CRYL1: variants seen among roughly 807,000 people sequenced by gnomAD.
The protein encoded by CRYL1 is lambda-crystallin homolog.
Under a neutral mutation model 36.6 loss-of-function variants are expected in CRYL1, and 29 were observed. The observed-to-expected ratio is 0.79, with a 90% CI of 0.59 to 1.08. The LOEUF (loss-of-function observed/expected upper bound fraction) is 1.08, where lower values mean the gene tolerates loss of function less well. Among genes scored for constraint, CRYL1 ranks in the 50% least tolerant of loss-of-function variants. CRYL1 has a pLI of 0.00. For synonymous variants in CRYL1, 152 were observed against 151.5 expected (o/e 1.00, Z -0.02); for missense variants, 411 against 407.9 (o/e 1.01, Z -0.06).
At chr13:20,484,010 A>G (rs1045035396) in intron 3 of CRYL1, among the ~76,000 whole-genome samples, 9 of 152,036 alleles carry the variant, frequency 5.9e-5, no homozygotes, top group African/African-American at 9.7e-5. Context: ...TAGAGACAGC[A>G]TTTCACCGTG....
intron 3 of CRYL1, among the ~76,000 whole-genome samples, chr13:20,470,679 C>T (rs2033034135): frequency 6.6e-6 from 1 of 152,056 alleles, no homozygotes; most frequent in South Asian, 2.1e-4. Context: ...GAGGCCGAGG[C>T]AGGTGGATCA....
intron 3 of CRYL1, among the ~76,000 whole-genome samples, chr13:20,445,184 C>T (rs1593449075): frequency 6.6e-6 from 1 of 152,228 alleles, no homozygotes; most frequent in East Asian, 1.9e-4. Context: ...GGTTTATTTC[C>T]AAGATCCAGG....
chr13:20,416,251 T>C (rs1160420325), intron 5 of CRYL1, among the ~76,000 whole-genome samples: 1 of 152,252 alleles, frequency 6.6e-6, no homozygotes, highest in Non-Finnish European at 1.5e-5. Context: ...TGAATCAGTC[T>C]GTGCAAGTCA....
At chr13:20,472,528 A>G (rs1026661598) in intron 3 of CRYL1, among the ~76,000 whole-genome samples, 5 of 152,146 alleles carry the variant, frequency 3.3e-5, no homozygotes, top group Admixed American at 2.6e-4. Flanking sequence ...TCTCCATTTT[A>G]TAGATGAGAA....
At chr13:20,432,416 T>C (rs2032089654) in intron 4 of CRYL1, 120 bp from the exon 5 acceptor site, 2 of 610,614 alleles carry the variant, frequency 3.3e-6, no homozygotes, top group East Asian at 2.8e-5. Flanking sequence ...TTAGATTCAG[T>C]GGCCAACAAC....
chr13:20,477,829 TATA>T (rs917419122), intron 3 of CRYL1, among the ~76,000 whole-genome samples: 6 of 145,768 alleles, frequency 4.1e-5, no homozygotes, highest in African/African-American at 1.5e-4. Context: ...TATACTAAAA[TATA>T]ATATACTATA....
intron 6 of CRYL1, among the ~76,000 whole-genome samples, chr13:20,410,377 C>T (rs1056786364): frequency 6.0e-5 from 7 of 117,596 alleles, no homozygotes; most frequent in African/African-American, 2.4e-4. Flanking sequence ...ACTCTGGGGA[C>T]TGTAGTGGGG....
Position 20,481,956 on chromosome 13 carries a change from C to T in CRYL1, c.276+7414G>A, listed in dbSNP as rs533132020. Among the ~76,000 whole-genome samples the T allele has an allele frequency of 6.6e-6, 1 of 152,162 alleles. No individual in the cohort carries two copies. Among genetic ancestry groups the T allele is most frequent in the African/African-American group, 2.4e-5 (1 of 41,524 alleles). On this transcript the variant is annotated intron_variant, in intron 3 of 7. Transcript: ENST00000298248. The surrounding 1 kb of genome is among the most constrained non-coding windows in gnomAD (Gnocchi z 4.1). ...ACATACAACAGAAAAAGTGTAACTCCAGTTTCCTCGCACATTCCCGAATAT... is the reference window on the plus strand; with the variant it reads ...ACATACAACAGAAAAAGTGTAACTCTAGTTTCCTCGCACATTCCCGAATAT...
intron 3 of CRYL1, among the ~76,000 whole-genome samples, chr13:20,478,902 G>A (rs1363751090): frequency 1.3e-5 from 2 of 149,094 alleles, no homozygotes; most frequent in South Asian, 2.1e-4. Flanking sequence ...ACAGGCATGC[G>A]CCACACCAAG....
At chr13:20,420,699 G>GTTTTTTTTTTTTT (rs2031779475) in intron 5 of CRYL1, among the ~76,000 whole-genome samples, 1 of 22,144 alleles carries the variant, frequency 4.5e-5, no homozygotes, top group African/African-American at 1.1e-4. Context: ...TTAAAATAGA[G>GTTTTTTTTTTTTT]GTTGTGTGTG....
intron 1 of CRYL1, among the ~76,000 whole-genome samples, chr13:20,515,986 G>A (rs113949226): frequency 0.021 from 3,240 of 152,220 alleles, 62 homozygotes; most frequent in African/African-American, 0.048. Context: ...GAGGTCAGGA[G>A]ATCAAGACCA....
intron 1 of CRYL1, among the ~76,000 whole-genome samples, chr13:20,524,332 T>C (rs2034150985): frequency 6.6e-6 from 1 of 152,146 alleles, no homozygotes; most frequent in Non-Finnish European, 1.5e-5. Flanking sequence ...CTCTGGTAAC[T>C]ATTAATAAAA....
At chr13:20,519,675 T>C (rs2034061969) in intron 1 of CRYL1, among the ~76,000 whole-genome samples, 1 of 152,000 alleles carries the variant, frequency 6.6e-6, no homozygotes, top group African/African-American at 2.4e-5. Flanking sequence ...ACAGGGCAAA[T>C]GACTCAAATT....
At chr13:20,414,143 C>A (rs926248043) in intron 5 of CRYL1, among the ~76,000 whole-genome samples, 1 of 151,954 alleles carries the variant, frequency 6.6e-6, no homozygotes, top group African/African-American at 2.4e-5. Context: ...CCACTGCACT[C>A]CAGCCTGGGC....
At chr13:20,475,763 A>T (rs1452128035) in intron 3 of CRYL1, among the ~76,000 whole-genome samples, 1 of 152,158 alleles carries the variant, frequency 6.6e-6, no homozygotes, top group Non-Finnish European at 1.5e-5. Context: ...GAAACCAGGG[A>T]CCCTTTCAGC....
chr13:20,440,679 C>T (rs542868014), intron 3 of CRYL1, among the ~76,000 whole-genome samples: 7 of 152,326 alleles, frequency 4.6e-5, no homozygotes, highest in African/African-American at 1.4e-4. Flanking sequence ...AAGGAAAAAT[C>T]TCATCCTCGT....
chr13:20,478,815 C>T (rs1324683911), intron 3 of CRYL1, among the ~76,000 whole-genome samples: 1 of 152,028 alleles, frequency 6.6e-6, no homozygotes, highest in South Asian at 2.1e-4. Flanking sequence ...TGCAGTGGCG[C>T]GATCTTGGCT....
At chr13:20,423,251 C>A (rs1001825800) in intron 5 of CRYL1, among the ~76,000 whole-genome samples, 8 of 152,088 alleles carry the variant, frequency 5.3e-5, no homozygotes, top group Non-Finnish European at 1.0e-4. Context: ...ATTTGAATAC[C>A]TTTTATTTCT....
rs890519282 is a variant in CRYL1 at position 20,517,859 on chromosome 13, C to A, written c.42-5309G>T. 6.7e-5 allele frequency among the ~76,000 whole-genome samples: 9 copies of A among 134,928 alleles called. No homozygotes were observed. The Admixed American group carries it at 7.4e-4, about 11-fold the overall frequency. The allele number at this position is 134,928 out of a possible 152,430, so 88.5% of individuals were successfully genotyped here. A position where few individuals can be genotyped will look rare whatever the true frequency, so the allele number is the denominator to read the frequency against. ...GCTGAGGCAGGAGAATGGCGTGAAC[C>A]CGGGAGGCGGAGCTTGCAGTGAGCC... On this transcript the variant is annotated intron_variant, in intron 1 of 7. Coordinates refer to ENST00000298248, the MANE Select transcript of CRYL1 (RefSeq NM_015974.3).
Sources: allele counts gnomAD v4.1 joint callset (sites outside exome capture counted in the v4.1 genomes callset), GRCh38; gene constraint gnomAD v4.1.1; non-coding constraint Gnocchi (gnomAD v3.1); transcripts MANE v1.5; gene names NCBI Gene and HGNC (gene_info 2026-07-23, HGNC 2026-07-21).